PRDM5: variants seen among roughly 807,000 people sequenced by gnomAD.
PRDM5 encodes PR domain zinc finger protein 5.
PRDM5 carries 56 observed loss-of-function variants against 81.2 expected under a neutral mutation model. The ratio of observed to expected loss-of-function variants is 0.69; its 90% CI spans 0.56 to 0.86. The LOEUF (loss-of-function observed/expected upper bound fraction) is 0.86, where lower values mean the gene tolerates loss of function less well. Ranked by LOEUF, PRDM5 falls within the 40% of genes least tolerant of loss-of-function variation. The pLI, the probability that PRDM5 is intolerant of heterozygous loss-of-function variation, is 0.00. For synonymous variants in PRDM5, 267 were observed against 256.4 expected (o/e 1.04, Z -0.39); for missense variants, 697 against 770.1 (o/e 0.91, Z 1.12).
chr4:120,729,409 C>T (rs866717047), intron 14 of PRDM5, among the ~76,000 whole-genome samples: 1 of 152,066 alleles, frequency 6.6e-6, no homozygotes, highest in African/African-American at 2.4e-5. Flanking sequence ...CCACAACATC[C>T]ATGAGATGAA....
At chr4:120,724,572 CA>C (rs1739117293) in intron 14 of PRDM5, among the ~76,000 whole-genome samples, 1 of 152,050 alleles carries the variant, frequency 6.6e-6, no homozygotes, top group African/African-American at 2.4e-5. Flanking sequence ...TGGTCACTTC[CA>C]AAAATAACAA....
chr4:120,731,077 C>T (rs1161085960), intron 14 of PRDM5, among the ~76,000 whole-genome samples: 4 of 152,122 alleles, frequency 2.6e-5, no homozygotes, highest in Non-Finnish European at 5.9e-5. Context: ...CACCTAAAGC[C>T]CTGCTATTTA....
At chr4:120,743,222 G>A (rs375994717) in intron 14 of PRDM5, among the ~76,000 whole-genome samples, 3 of 147,120 alleles carry the variant, frequency 2.0e-5, no homozygotes, top group Admixed American at 1.3e-4. Context: ...TACAGACAAG[G>A]AAATGCTGAG....
intron 10 of PRDM5, among the ~76,000 whole-genome samples, chr4:120,785,332 A>G (rs1450533088): frequency 7.4e-6 from 1 of 135,370 alleles, no homozygotes. Context: ...AAAAAAAAAT[A>G]TTCCTATTAT....
chr4:120,852,569 C>A (rs373756640), intron 3 of PRDM5, among the ~76,000 whole-genome samples: 1 of 151,934 alleles, frequency 6.6e-6, no homozygotes, highest in African/African-American at 2.4e-5. Flanking sequence ...CAGCTTCTGG[C>A]CATTAGACTT....
At chr4:120,741,861 A>G (rs1052943103) in intron 14 of PRDM5, among the ~76,000 whole-genome samples, 4 of 152,080 alleles carry the variant, frequency 2.6e-5, no homozygotes, top group Non-Finnish European at 5.9e-5. Context: ...AGGGGTGCCC[A>G]CCATTGCCCA....
intron 3 of PRDM5, among the ~76,000 whole-genome samples, chr4:120,845,841 T>C (rs1758593015): frequency 6.6e-6 from 1 of 152,190 alleles, no homozygotes; most frequent in South Asian, 2.1e-4. Context: ...ATTAAGAACA[T>C]GTGTGATTCA....
chr4:120,874,377 G>A (rs1404258542), intron 2 of PRDM5, among the ~76,000 whole-genome samples: 1 of 152,108 alleles, frequency 6.6e-6, no homozygotes, highest in Admixed American at 6.5e-5. Context: ...AGCAGTGGAG[G>A]TGAAATGTTT....
intron 13 of PRDM5, among the ~76,000 whole-genome samples, chr4:120,773,883 C>CT (rs1747671230): frequency 6.6e-6 from 1 of 152,158 alleles, no homozygotes; most frequent in African/African-American, 2.4e-5. Context: ...AAACCACAGA[C>CT]TTTCAGAAAT....
intron 13 of PRDM5, among the ~76,000 whole-genome samples, chr4:120,768,972 G>A (rs536122683): frequency 2.6e-5 from 4 of 152,270 alleles, no homozygotes; most frequent in South Asian, 4.2e-4. Context: ...AATATGGGTG[G>A]GTCCAGCTCA....
At position 120,834,957 on chromosome 4, in the gene PRDM5, T is replaced by G. The variant is rs187123476; in HGVS notation, c.301-13612A>C. Among the ~76,000 whole-genome samples, 7 of 152,332 alleles carry G rather than the reference T, an allele frequency of 4.6e-5. 1 individual carries two copies. The East Asian group carries it at 1.4e-3, about 29-fold the overall frequency. ...ATGAACTAGAATTACATGTGGGCTC[T>G]CCCAGTTCTTCTTCCTGACTCACCT... is the stretch of plus-strand genomic sequence containing the variant. On this transcript the variant is annotated intron_variant, in intron 3 of 15. Transcript: ENST00000264808.
At chr4:120,741,968 A>G (rs1362083870) in intron 14 of PRDM5, among the ~76,000 whole-genome samples, 4 of 152,342 alleles carry the variant, frequency 2.6e-5, no homozygotes, top group Non-Finnish European at 5.9e-5. Context: ...CTCCACCTCT[A>G]GGGGCAGGGC....
At chr4:120,920,180 A>T (rs1212030221) in intron 1 of PRDM5, among the ~76,000 whole-genome samples, 1 of 152,220 alleles carries the variant, frequency 6.6e-6, no homozygotes, top group Non-Finnish European at 1.5e-5. Context: ...TTCTAGCAAG[A>T]TTCCCCAACC....
intron 1 of PRDM5, among the ~76,000 whole-genome samples, chr4:120,921,414 G>T (rs1332289919): frequency 2.0e-5 from 3 of 152,108 alleles, no homozygotes; most frequent in Admixed American, 1.3e-4. Flanking sequence ...CTCCAATTTT[G>T]CCCTGAAGGA....
intron 2 of PRDM5, among the ~76,000 whole-genome samples, chr4:120,882,815 G>T (rs3106313): frequency 0.24 from 37,179 of 152,042 alleles, 5,126 homozygotes; most frequent in African/African-American, 0.36. Flanking sequence ...ATCAGTGATA[G>T]ATATAATTTT....
intron 13 of PRDM5, among the ~76,000 whole-genome samples, chr4:120,764,299 T>G (rs766266995): frequency 5.3e-5 from 8 of 152,198 alleles, no homozygotes; most frequent in Non-Finnish European, 8.8e-5. Flanking sequence ...CTTATTAGTC[T>G]CTGTGATGAT....
chr4:120,844,191 A>T lies in PRDM5; in HGVS notation c.300+9227T>A, dbSNP rs543159291. ...GGGAAAGCTTTATAAGAAATAAAACAGATTTTACTTTGTTTCATATACAGA... is the reference window on the plus strand; with the variant it reads ...GGGAAAGCTTTATAAGAAATAAAACTGATTTTACTTTGTTTCATATACAGA... On this transcript the variant is annotated intron_variant, in intron 3 of 15. Coordinates refer to ENST00000264808, the MANE Select transcript of PRDM5 (RefSeq NM_018699.4). Among the ~76,000 whole-genome samples, 7 of 152,288 alleles carry T rather than the reference A, an allele frequency of 4.6e-5. No individual in the cohort carries two copies. In the South Asian group the frequency reaches 1.0e-3, roughly 23 times the overall value.
At chr4:120,801,310 G>A (rs1010062532) in intron 8 of PRDM5, among the ~76,000 whole-genome samples, 1 of 152,188 alleles carries the variant, frequency 6.6e-6, no homozygotes. Flanking sequence ...GGACTCGGCT[G>A]GCCCCTGATA....
At chr4:120,919,389 C>T (rs1290177293) in intron 1 of PRDM5, among the ~76,000 whole-genome samples, 3 of 152,136 alleles carry the variant, frequency 2.0e-5, no homozygotes, top group African/African-American at 7.2e-5. Flanking sequence ...GACTGAAAGT[C>T]AGAGAAGAAA....
Sources: allele counts gnomAD v4.1 joint callset (sites outside exome capture counted in the v4.1 genomes callset), GRCh38; gene constraint gnomAD v4.1.1; transcripts MANE v1.5; gene names NCBI Gene and HGNC (gene_info 2026-07-23, HGNC 2026-07-21).